The following SUPT3H variants were observed in gnomAD, a reference collection of about 807,000 sequenced individuals.
SUPT3H encodes SPT3 homolog, SAGA and STAGA complex component, also known as transcription initiation protein SPT3 homolog.
SUPT3H carries 44 observed loss-of-function variants against 44.3 expected under a neutral mutation model. The ratio of observed to expected loss-of-function variants is 0.99; its 90% confidence interval spans 0.78 to 1.28. SUPT3H has a LOEUF of 1.28. Ranked by LOEUF, SUPT3H falls within the 50% of genes most tolerant of loss-of-function variation. The pLI is 0.00. For synonymous variants in SUPT3H, 124 were observed against 125.6 expected (o/e 0.99, Z 0.09); for missense variants, 380 against 387.1 (o/e 0.98, Z 0.15).
At chr6:45,042,404 C>T (rs952653668) in intron 3 of SUPT3H, among the ~76,000 whole-genome samples, 3 of 152,172 alleles carry the variant, frequency 2.0e-5, no homozygotes, top group Non-Finnish European at 2.9e-5. Context: ...GCCTGAGGCA[C>T]AAGAGGGAGA....
At chr6:44,944,292 A>G (rs562850276) in intron 9 of SUPT3H, among the ~76,000 whole-genome samples, 55 of 152,308 alleles carry the variant, frequency 3.6e-4, no homozygotes, top group Admixed American at 3.1e-3. Context: ...TAAAGAAATC[A>G]ATATATAAAT....
At position 45,282,192 on chromosome 6, in the gene SUPT3H, T is replaced by C. The variant is rs1389586957; in HGVS notation, c.101+83009A>G. Among the ~76,000 whole-genome samples, 7 of 152,262 alleles carry C rather than the reference T, an allele frequency of 4.6e-5. No individual in the cohort carries two copies. In the East Asian group the frequency reaches 1.4e-3, roughly 29 times the overall value. On this transcript the variant is annotated intron_variant, in intron 2 of 10. Coordinates refer to ENST00000371459, the MANE Select transcript of SUPT3H (RefSeq NM_003599.4). The stretch of plus-strand genomic sequence containing the variant: ...AAAAATCAGAGCACCTCTCCTCCTC[T>C]AAAGGAACGCAGCTCCTCACCAGCA...
intron 2 of SUPT3H, among the ~76,000 whole-genome samples, chr6:45,109,040 A>T (rs1019780604): frequency 6.6e-5 from 10 of 152,168 alleles, no homozygotes; most frequent in Non-Finnish European, 1.3e-4. Context: ...ATTAAAAGTA[A>T]ATATAAATTG....
chr6:45,227,896 A>G (rs1336287101), intron 2 of SUPT3H, among the ~76,000 whole-genome samples: 4 of 152,190 alleles, frequency 2.6e-5, no homozygotes, highest in Non-Finnish European at 4.4e-5. Context: ...GAGAGTGAGG[A>G]ATATATTAAA....
intron 10 of SUPT3H, among the ~76,000 whole-genome samples, chr6:44,919,890 A>G (rs375271677): frequency 6.6e-6 from 1 of 150,570 alleles, no homozygotes; most frequent in Non-Finnish European, 1.5e-5. Context: ...TTTCTTTTTT[A>G]TTTTTTGAGA....
At chr6:45,372,536 T>C (rs895786747) in intron 1 of SUPT3H, among the ~76,000 whole-genome samples, 3 of 152,252 alleles carry the variant, frequency 2.0e-5, no homozygotes, top group Non-Finnish European at 4.4e-5. Context: ...CAAGATTTTT[T>C]AATGATTTAT....
chr6:45,340,435 C>A (rs1218928826), intron 2 of SUPT3H, among the ~76,000 whole-genome samples: 3 of 151,926 alleles, frequency 2.0e-5, no homozygotes, highest in African/African-American at 7.2e-5. Flanking sequence ...GGGATCTTCC[C>A]GACTCAGCAT....
At chr6:45,072,098 T>A (rs1175366822) in intron 3 of SUPT3H, among the ~76,000 whole-genome samples, 1 of 152,198 alleles carries the variant, frequency 6.6e-6, no homozygotes, top group Non-Finnish European at 1.5e-5. Context: ...AACAATGCTA[T>A]GAAGTCAGAA....
intron 2 of SUPT3H, chr6:45,328,890 C>G: frequency 8.8e-7 from 1 of 1,130,058 alleles, no homozygotes. Context: ...ATTAAAGATC[C>G]TAATTATGCT....
At chr6:44,890,293 T>C (rs942089117) in intron 10 of SUPT3H, among the ~76,000 whole-genome samples, 5 of 150,574 alleles carry the variant, frequency 3.3e-5, no homozygotes, top group Non-Finnish European at 7.4e-5. Flanking sequence ...CATGCTGCTA[T>C]AAAGACACAT....
At position 45,150,883 on chromosome 6, in the gene SUPT3H, C is replaced by T. The variant is rs1280903503; in HGVS notation, c.102-44877G>A. On this transcript the variant is annotated intron_variant, in intron 2 of 10. Transcript: ENST00000371459. ...GACTACAGGCGTGCGCCACCATGCC[C>T]GGCTAGTTTTTTGTATTTTTAGTAG... Among the ~76,000 whole-genome samples the T allele has an allele frequency of 6.6e-5, 10 of 152,074 alleles. No individual in the cohort carries two copies. In the South Asian group the frequency reaches 1.5e-3, roughly 22 times the overall value.
chr6:44,944,597 A>G (rs781021846), intron 9 of SUPT3H, among the ~76,000 whole-genome samples: 47 of 150,348 alleles, frequency 3.1e-4, no homozygotes, highest in Admixed American at 2.0e-3. Context: ...TGTCTCTACA[A>G]AAAAAAATAC....
intron 2 of SUPT3H, among the ~76,000 whole-genome samples, chr6:45,122,101 AG>A: frequency 6.6e-6 from 1 of 152,372 alleles, no homozygotes; most frequent in East Asian, 1.9e-4. Context: ...ACTTTAAAAA[AG>A]AAAATGCAAA....
rs566149790 is a variant in SUPT3H, at chr6:45,178,165, T to C, written c.102-72159A>G. 5.7e-3 allele frequency among the ~76,000 whole-genome samples: 861 copies of C among 152,164 alleles called. 6 individuals carry two copies. The highest frequency in any genetic ancestry group is 7.7e-3 in the Non-Finnish European group (522 of 68,012). On this transcript the variant is annotated intron_variant, in intron 2 of 10. Transcript: ENST00000371459. ...TCAAGACCCATCAGTGTGCTGTATT[T>C]AGGAAACCCATCTCATGTGCAGAGA...
At chr6:45,338,469 G>C (rs1024152697) in intron 2 of SUPT3H, among the ~76,000 whole-genome samples, 1 of 151,968 alleles carries the variant, frequency 6.6e-6, no homozygotes, top group Non-Finnish European at 1.5e-5. Context: ...AAAGCTGATG[G>C]TACTATATTT....
At chr6:45,188,678 T>C (rs112866863) in intron 2 of SUPT3H, among the ~76,000 whole-genome samples, 3,091 of 152,170 alleles carry the variant, frequency 0.02, 43 homozygotes, top group Non-Finnish European at 0.032. Flanking sequence ...AAGATATTTA[T>C]ATGATCATAT....
chr6:45,153,595 G>A (rs1050508433), intron 2 of SUPT3H, among the ~76,000 whole-genome samples: 1 of 152,162 alleles, frequency 6.6e-6, no homozygotes, highest in Admixed American at 6.6e-5. Context: ...TGTTGGCTGG[G>A]CACAGTGGCC....
chr6:45,286,533 G>A (rs147688670), intron 2 of SUPT3H, among the ~76,000 whole-genome samples: 1 of 152,060 alleles, frequency 6.6e-6, no homozygotes. Context: ...AAATCAAAAC[G>A]ACAATGAGAT....
intron 10 of SUPT3H, among the ~76,000 whole-genome samples, chr6:44,857,671 C>T (rs1773962113): frequency 6.6e-6 from 1 of 152,030 alleles, no homozygotes; most frequent in African/African-American, 2.4e-5. Context: ...GTCGATTTTT[C>T]TTACCTAGGA....
Sources: allele counts gnomAD v4.1 joint callset (sites outside exome capture counted in the v4.1 genomes callset), GRCh38; gene constraint gnomAD v4.1.1; transcripts MANE v1.5; gene names NCBI Gene and HGNC (gene_info 2026-07-23, HGNC 2026-07-21).